The following RABGEF1 variants were observed in gnomAD, a reference collection of about 807,000 sequenced individuals.
The protein encoded by RABGEF1 is rab5 GDP/GTP exchange factor.
RABGEF1 carries 26 observed loss-of-function variants against 57.3 expected under a neutral mutation model. The ratio of observed to expected loss-of-function variants is 0.45; its 90% CI spans 0.33 to 0.63. The LOEUF is 0.63. RABGEF1 is among the 20% of genes least tolerant of loss of function. The pLI, the probability that RABGEF1 is intolerant of heterozygous loss-of-function variation, is 0.02. For missense variants in RABGEF1, 464 were observed against 607.6 expected, an observed-to-expected ratio of 0.76 and a Z score of 2.48; for synonymous variants, 185 against 210.7, an observed-to-expected ratio of 0.88 and a Z score of 1.06.
intron 1 of RABGEF1, among the ~76,000 whole-genome samples, chr7:66,766,304 C>CA (rs80149477): frequency 0.054 from 5,320 of 98,376 alleles, 112 homozygotes; most frequent in Admixed American, 0.09. Flanking sequence ...CCCTGTCTTC[C>CA]AAAAAAAAAA....
intron 1 of RABGEF1, among the ~76,000 whole-genome samples, chr7:66,743,038 G>A (rs932289860): frequency 1.3e-5 from 2 of 152,146 alleles, no homozygotes; most frequent in African/African-American, 2.4e-5. Flanking sequence ...GGCCAGGCGC[G>A]GTGGCTCACG....
intron 1 of RABGEF1, among the ~76,000 whole-genome samples, chr7:66,747,245 A>T (rs1360186057): frequency 6.6e-6 from 1 of 152,226 alleles, no homozygotes; most frequent in Non-Finnish European, 1.5e-5. Flanking sequence ...GTAAAATATT[A>T]CACACTGAGA....
intron 2 of RABGEF1, among the ~76,000 whole-genome samples, chr7:66,716,673 T>A (rs1397778637): frequency 6.6e-6 from 1 of 152,180 alleles, no homozygotes; most frequent in Non-Finnish European, 1.5e-5. Flanking sequence ...AAAAAACTCT[T>A]CTGTCATTGT....
chr7:66,793,355 T>C (rs150925210), intron 4 of RABGEF1, among the ~76,000 whole-genome samples: 237 of 152,328 alleles, frequency 1.6e-3, no homozygotes, highest in African/African-American at 5.5e-3. Context: ...TTAAGCAGTT[T>C]TGTGCATGTA....
chr7:66,670,203 C>T, the RABGEF1 span, among the ~76,000 whole-genome samples: 1 of 152,102 alleles, frequency 6.6e-6, no homozygotes, highest in Non-Finnish European at 1.5e-5. Flanking sequence ...TAGTTCTTTT[C>T]CCCTGGAATC....
chr7:66,738,693 C>G (rs922100241), upstream of RABGEF1, among the ~76,000 whole-genome samples: 7 of 143,770 alleles, frequency 4.9e-5, no homozygotes, highest in Non-Finnish European at 1.5e-5. Flanking sequence ...GATTGCACCA[C>G]TGTGCTCCAG....
At position 66,805,337 on chromosome 7, in the gene RABGEF1, C is replaced by T. The variant is rs1045590872; in HGVS notation, c.1018C>T (p.Arg340Cys). ...RLQSNIQYIT[R>C]FCNPSRLMTG... ...TCAGTCTAATATCCAGTATATCACGCGCTTCTGCAATCCAAGCCGACTGAT... is the reference window on the plus strand; with the variant it reads ...TCAGTCTAATATCCAGTATATCACGTGCTTCTGCAATCCAAGCCGACTGAT... Residue 340 changes from arginine to cysteine, a missense_variant, in exon 8 of 9, where the codon CGC (arginine) becomes TGC (cysteine). By Grantham distance (180) the Arg-to-Cys change is radical. This residue lies in a region of RABGEF1 where 284 missense variants were observed against 389.9 expected (regional missense o/e 0.73). Transcript: ENST00000284957. 6.2e-6 allele frequency: 10 copies of T among 1,614,086 alleles called. No homozygotes were observed. Among genetic ancestry groups the T allele is most frequent in the East Asian group, 2.2e-5 (1 of 44,892 alleles).
chr7:66,756,833 G>T (rs1255251944), intron 1 of RABGEF1, among the ~76,000 whole-genome samples: 1 of 152,018 alleles, frequency 6.6e-6, no homozygotes, highest in African/African-American at 2.4e-5. Flanking sequence ...ACCAGTTATT[G>T]CAACACTATT....
intron 1 of RABGEF1, among the ~76,000 whole-genome samples, chr7:66,746,422 C>A (rs955702542): frequency 1.3e-5 from 2 of 150,628 alleles, no homozygotes; most frequent in African/African-American, 4.9e-5. Flanking sequence ...TCTGCCTCAG[C>A]CTCCCGAGTA....
At chr7:66,808,159 G>A (rs570570715) in intron 8 of RABGEF1, 1 of 151,668 alleles carries the variant, frequency 6.6e-6, no homozygotes, top group East Asian at 1.9e-4. Context: ...GTCACTCACT[G>A]TTGTTGTTAA....
At chr7:66,745,892 C>G (rs1172573324) in intron 1 of RABGEF1, among the ~76,000 whole-genome samples, 1 of 152,028 alleles carries the variant, frequency 6.6e-6, no homozygotes, top group African/African-American at 2.4e-5. Flanking sequence ...CCTAGGAGTT[C>G]CAGGCTGCAG....
intron 1 of RABGEF1, among the ~76,000 whole-genome samples, chr7:66,752,057 A>G (rs1468192215): frequency 6.6e-6 from 1 of 152,078 alleles, no homozygotes; most frequent in Non-Finnish European, 1.5e-5. Context: ...CCCGCAAAAA[A>G]CTAGCCAGGT....
At chr7:66,713,144 CTTT>C (rs575223946) in intron 2 of RABGEF1, among the ~76,000 whole-genome samples, 4 of 137,852 alleles carry the variant, frequency 2.9e-5, no homozygotes, top group African/African-American at 2.6e-5. Flanking sequence ...CTTTTCTTTT[CTTT>C]TTTTTTTTTT....
At chr7:66,705,443 A>AAGACAAAGAGAGAGAGAG (rs540794271) in intron 1 of RABGEF1, among the ~76,000 whole-genome samples, 5 of 66,370 alleles carry the variant, frequency 7.5e-5, no homozygotes, top group Middle Eastern at 0.011. Flanking sequence ...TCTCGAAAGA[A>AAGACAAAGAGAGAGAGAG]AGAGAGAGAG....
intron 4 of RABGEF1, among the ~76,000 whole-genome samples, chr7:66,784,652 G>A (rs12532888): frequency 0.039 from 6,002 of 152,278 alleles, 165 homozygotes; most frequent in East Asian, 0.085. Context: ...TATTCTAGCT[G>A]GGGTCAGCAA....
At chr7:66,729,337 C>G (rs1174972877) in intron 2 of RABGEF1, among the ~76,000 whole-genome samples, 4 of 151,986 alleles carry the variant, frequency 2.6e-5, no homozygotes, top group African/African-American at 7.3e-5. Context: ...ATCCTCCCCT[C>G]TGTTCTCCCT....
At chr7:66,710,071 A>G (rs1370596504) in intron 1 of RABGEF1, among the ~76,000 whole-genome samples, 1 of 152,244 alleles carries the variant, frequency 6.6e-6, no homozygotes, top group Non-Finnish European at 1.5e-5. Flanking sequence ...AGTAGTCAGC[A>G]GCCACGTGAC....
chr7:66,759,576 C>T (rs915331958), intron 1 of RABGEF1, among the ~76,000 whole-genome samples: 7 of 152,194 alleles, frequency 4.6e-5, no homozygotes, highest in Admixed American at 3.3e-4. Flanking sequence ...CACAGTTCTA[C>T]AGGCTGTACA....
At chr7:66,744,486 G>C (rs1799741809) in intron 1 of RABGEF1, among the ~76,000 whole-genome samples, 2 of 151,826 alleles carry the variant, frequency 1.3e-5, no homozygotes, top group African/African-American at 4.8e-5. Context: ...GGCTAACACG[G>C]TGAAACCCTG....
Sources: gnomAD v4.1 joint callset for allele counts (sites outside exome capture counted in the v4.1 genomes callset) on GRCh38, gnomAD v4.1.1 for gene constraint, gnomAD v4.1.1 regional missense constraint, MANE v1.5 for transcripts, NCBI Gene and HGNC (gene_info 2026-07-23, HGNC 2026-07-21) for gene names.